Variants in DST observed in about 807,000 individuals in gnomAD.
The protein encoded by DST is bullous pemphigoid antigen.
Under a neutral mutation model 875.2 loss-of-function variants are expected in DST, and 253 were observed. That is an observed-to-expected ratio of 0.29 (90% CI 0.26 to 0.32). DST has a LOEUF of 0.32. Ranked by LOEUF, DST falls within the 10% of genes least tolerant of loss-of-function variation. The pLI is 1.00. For missense variants in DST, 8,287 were observed against 9,111.6 expected, an observed-to-expected ratio of 0.91 and a Z score of 3.68; for synonymous variants, 3,124 against 3,197.1, an observed-to-expected ratio of 0.98 and a Z score of 0.77.
intron 90 of DST, 139 bp downstream of exon 90, chr6:56,481,911 T>C (rs926773927): frequency 4.3e-6 from 4 of 920,998 alleles, no homozygotes; most frequent in Non-Finnish European, 6.6e-6. Context: ...TGGACAGAAG[T>C]ACACTCTCAA....
chr6:56,840,100 G>A (rs933117824), intron 4 of DST, among the ~76,000 whole-genome samples: 1 of 152,268 alleles, frequency 6.6e-6, no homozygotes, highest in South Asian at 2.1e-4. Flanking sequence ...GAAATGTATT[G>A]AATTCACATT....
At chr6:56,847,104 G>A (rs1283618103) in intron 4 of DST, among the ~76,000 whole-genome samples, 7 of 151,546 alleles carry the variant, frequency 4.6e-5, no homozygotes, top group Non-Finnish European at 8.8e-5. Context: ...GATCACTTGA[G>A]CCCAGGAGTT....
At chr6:56,660,519 T>C (rs1009309088) in intron 10 of DST, among the ~76,000 whole-genome samples, 1 of 151,834 alleles carries the variant, frequency 6.6e-6, no homozygotes, top group Non-Finnish European at 1.5e-5. Flanking sequence ...CCGTAACAAA[T>C]TCCTGAAGAT....
intron 100 of DST, chr6:56,464,266 G>T: frequency 3.7e-6 from 1 of 268,994 alleles, no homozygotes; most frequent in Non-Finnish European, 7.2e-6. Context: ...TGTTAGTCAT[G>T]ATGACAACAT....
At position 56,940,037 on chromosome 6, in the gene DST, T is replaced by A. The variant is rs574940780; in HGVS notation, c.216+13748A>T. Among the ~76,000 whole-genome samples, 250 of 151,386 alleles carry A rather than the reference T, an allele frequency of 1.7e-3. 1 individual carries two copies. The highest frequency in any genetic ancestry group is 0.011 in the South Asian group (53 of 4,766). ...CAAGACTCCGTCTCAAAAAAAAAAA[T>A]TTTATATAAATAAGTCTAGCAGAAG... On this transcript the variant is annotated intron_variant, in intron 2 of 103. Coordinates refer to ENST00000680361, the MANE Select transcript of DST (RefSeq NM_001374736.1).
intron 36 of DST, chr6:56,618,409 G>C (rs775674908): frequency 1.1e-5 from 18 of 1,614,182 alleles, no homozygotes; most frequent in Non-Finnish European, 1.4e-5. Flanking sequence ...TGAAGGTACA[G>C]TCTTTGGCTG....
At position 56,476,962 on chromosome 6, in the gene DST, A is replaced by G. The variant is rs569938549; in HGVS notation, c.21675+383T>C. Among the ~76,000 whole-genome samples, 8 of 152,276 alleles carry G rather than the reference A, an allele frequency of 5.3e-5. No individual in the cohort carries two copies. In the South Asian group the frequency reaches 1.0e-3, roughly 20 times the overall value. ...TCGAGACTCCGTCAAAAGAAAGAAA[A>G]AAAAAAGCTAAGATATTAAATACAG... On this transcript the variant is annotated intron_variant, in intron 91 of 103. Coordinates refer to ENST00000680361, the MANE Select transcript of DST (RefSeq NM_001374736.1).
chr6:56,555,183 C>T (rs1562762715), intron 60 of DST, among the ~76,000 whole-genome samples, 162 bp downstream of exon 60: 1 of 152,116 alleles, frequency 6.6e-6, no homozygotes, highest in Non-Finnish European at 1.5e-5. Flanking sequence ...CCTATGAACA[C>T]AAAACTGCTC....
rs1462551935 is a variant in DST, at chr6:56,604,465, T to C, written c.10163A>G (p.Asn3388Ser). The C allele has an allele frequency of 2.5e-6, 4 of 1,610,796 alleles. No individual in the cohort carries two copies. Among genetic ancestry groups the C allele is most frequent in the Non-Finnish European group, 3.4e-6 (4 of 1,178,118 alleles). Residue 3388 changes from asparagine to serine, a missense_variant, in exon 40 of 104, where the codon AAT becomes AGT. Asn to Ser is a conservative substitution (Grantham distance 46, BLOSUM62 1). Coordinates refer to ENST00000680361, the MANE Select transcript of DST (RefSeq NM_001374736.1). ...TGATGTGGTAATCCTTTTAATTAAA[T>C]TTTGAATTAAAATTTTAGTGTCTGC... ...ACADTKILIQ[N>S]LIKRITTSQL...
At position 56,604,076 on chromosome 6, in the gene DST, T is replaced by C; in HGVS notation, c.10552A>G (p.Thr3518Ala). 1 of 1,581,934 alleles carries C rather than the reference T, an allele frequency of 6.3e-7. No homozygotes were observed. The highest frequency in any genetic ancestry group is 2.3e-5 in the East Asian group (1 of 44,042). ...GGCTTTTCTTCCATCATCTCAGATG[T>C]AGAACATGCTTTTTGATTAAAGTCT... is the stretch of plus-strand genomic sequence containing the variant. ...VGDFNQKACS[T>A]SEMMEEKPHI... is the part of the protein sequence containing the mutation. Residue 3518 changes from threonine (T) to alanine (A), a missense_variant, in exon 40 of 104, where the codon ACA (threonine) becomes GCA (alanine). Physicochemically the swap from Thr to Ala is moderately conservative, Grantham distance 58 (BLOSUM62 0). This residue lies in a region of DST where 3,138 missense variants were observed against 3,116.6 expected (regional missense o/e 1.01). Coordinates refer to ENST00000680361, the MANE Select transcript of DST (RefSeq NM_001374736.1).
chr6:56,731,812 C>G (rs779016014), intron 5 of DST, among the ~76,000 whole-genome samples: 8 of 152,104 alleles, frequency 5.3e-5, no homozygotes, highest in Non-Finnish European at 1.2e-4. Context: ...TTTTTGGTCT[C>G]AGGATTACTT....
intron 2 of DST, among the ~76,000 whole-genome samples, chr6:56,931,059 A>C (rs1328700331): frequency 6.6e-6 from 1 of 152,244 alleles, no homozygotes; most frequent in Non-Finnish European, 1.5e-5. Flanking sequence ...CCTGGCATAA[A>C]TTAGGTTGAT....
intron 33 of DST, among the ~76,000 whole-genome samples, chr6:56,627,555 T>A (rs1414568982): frequency 6.6e-6 from 1 of 152,188 alleles, no homozygotes; most frequent in Non-Finnish European, 1.5e-5. Flanking sequence ...GGCCACCACC[T>A]ATTTCTGAAG....
At chr6:56,819,781 C>A (rs1218016442) in intron 4 of DST, among the ~76,000 whole-genome samples, 1 of 152,146 alleles carries the variant, frequency 6.6e-6, no homozygotes, top group Non-Finnish European at 1.5e-5. Flanking sequence ...ACTGTCCTTG[C>A]CTTCAATGTT....
At chr6:56,585,227 A>G (rs2098122166) in intron 49 of DST, among the ~76,000 whole-genome samples, 1 of 152,024 alleles carries the variant, frequency 6.6e-6, no homozygotes, top group Non-Finnish European at 1.5e-5. Context: ...CTGGTCCTGG[A>G]CTCTTTTTCG....
At chr6:56,904,303 T>A (rs1795395859) in intron 2 of DST, among the ~76,000 whole-genome samples, 1 of 152,198 alleles carries the variant, frequency 6.6e-6, no homozygotes, top group Non-Finnish European at 1.5e-5. Context: ...TCTTTGTTAC[T>A]CTCCAGTGAG....
chr6:56,506,716 G>T lies in DST; in HGVS notation c.19313C>A (p.Ala6438Glu). The T allele has an allele frequency of 6.2e-7, 1 of 1,613,490 alleles. No homozygotes were observed. The highest frequency in any genetic ancestry group is 8.5e-7 in the Non-Finnish European group (1 of 1,179,648). ...IVINLGSELI[A>E]ACGEPDKPIV... ...GGGTTTATCAGGCTCCCCACATGCC[G>T]CAATGAGTTCAGAACCTAGGTTAAT... Residue 6438 changes from alanine (A) to glutamate (E), a missense_variant, in exon 76 of 104, where the codon GCG (alanine) becomes GAG (glutamate). Ala to Glu is a moderately radical substitution (Grantham distance 107). Transcript: ENST00000680361.
At chr6:56,543,081 G>T (rs1262499951) in intron 61 of DST, among the ~76,000 whole-genome samples, 3 of 152,208 alleles carry the variant, frequency 2.0e-5, no homozygotes, top group Non-Finnish European at 4.4e-5. Flanking sequence ...AAATGGGAGG[G>T]GATCCGTAGG....
chr6:56,657,580 A>G (rs1039270806), intron 10 of DST, among the ~76,000 whole-genome samples: 13 of 152,088 alleles, frequency 8.5e-5, no homozygotes, highest in Admixed American at 1.3e-4. Context: ...GGGTGGGGGG[A>G]GAGAGAAATG....
Sources: allele counts gnomAD v4.1 joint callset (sites outside exome capture counted in the v4.1 genomes callset), GRCh38; gene constraint gnomAD v4.1.1; regional missense constraint gnomAD v4.1.1; transcripts MANE v1.5; gene names NCBI Gene and HGNC (gene_info 2026-07-23, HGNC 2026-07-21).